The following AIF1L variants were observed in gnomAD, a reference collection of about 807,000 sequenced individuals.
AIF1L encodes allograft inflammatory factor 1-like.
A neutral mutation model predicts 20.7 loss-of-function variants in AIF1L; 12 were observed. The observed-to-expected ratio is 0.58, with a 90% confidence interval of 0.37 to 0.94. AIF1L has a LOEUF of 0.94. AIF1L is among the 40% of genes least tolerant of loss of function. AIF1L has a pLI of 0.01. For synonymous variants in AIF1L, 76 were observed against 65.1 expected, an observed-to-expected ratio of 1.17 and a Z score of -0.81; for missense variants, 173 against 185.3, an observed-to-expected ratio of 0.93 and a Z score of 0.39.
chr9:131,113,940 A>G (rs1830950008), intron 3 of AIF1L: 1 of 155,444 alleles, frequency 6.4e-6, no homozygotes, highest in African/African-American at 2.4e-5. Context: ...TGAACATACC[A>G]AGCCCACTGC....
intron 3 of AIF1L, among the ~76,000 whole-genome samples, chr9:131,112,636 T>C (rs1830918156): frequency 6.6e-6 from 1 of 152,096 alleles, no homozygotes; most frequent in Admixed American, 6.6e-5. Context: ...TGGGGACACA[T>C]AGCTCGCCTA....
chr9:131,119,238 C>T (rs565858927), intron 5 of AIF1L, among the ~76,000 whole-genome samples: 3 of 152,364 alleles, frequency 2.0e-5, no homozygotes, highest in East Asian at 1.9e-4. Flanking sequence ...CCCTGGCTCA[C>T]GCCTTTAATC....
intron 2 of AIF1L, among the ~76,000 whole-genome samples, chr9:131,103,978 G>T (rs116393831): frequency 1.0e-3 from 158 of 152,310 alleles, no homozygotes; most frequent in African/African-American, 3.7e-3. Context: ...CAAGCTGAAC[G>T]CTGTGAGGAG....
At chr9:131,105,329 C>T (rs1830722944) in intron 2 of AIF1L, among the ~76,000 whole-genome samples, 1 of 152,216 alleles carries the variant, frequency 6.6e-6, no homozygotes, top group Non-Finnish European at 1.5e-5. Flanking sequence ...GCCTCTCCCA[C>T]CCTGGTCACT....
In AIF1L at chr9:131,117,901, G is replaced by A. The variant is rs1354863030; in HGVS notation, c.348G>A (p.Arg116=). Residue 116 remains arginine (R), a synonymous_variant, in exon 5 of 6, where the codon CGG becomes CGA. Transcript: ENST00000247291. ...RDFVNMMLGK[R]SAVLKLVMMF... is the part of the protein sequence containing the mutation. ...TTGTGAACATGATGCTGGGGAAACG[G>A]TCGGCTGTCCTCAAGTTGTGAGTAC... is the stretch of plus-strand genomic sequence containing the variant. 1.2e-6 allele frequency: 2 copies of A among 1,611,748 alleles called. No individual in the cohort carries two copies. The highest frequency in any genetic ancestry group is 3.4e-5 in the Admixed American group (2 of 59,674).
chr9:131,117,590 C>A (rs527974222), intron 4 of AIF1L, among the ~76,000 whole-genome samples, 166 bp from the exon 5 acceptor site: 2 of 152,324 alleles, frequency 1.3e-5, no homozygotes, highest in East Asian at 3.9e-4. Flanking sequence ...CTAGCCTATA[C>A]GGCCTCCAAA....
chr9:131,100,133 C>G (rs768539763), intron 2 of AIF1L, among the ~76,000 whole-genome samples: 2 of 152,092 alleles, frequency 1.3e-5, no homozygotes, highest in African/African-American at 2.4e-5. Flanking sequence ...GCCTCTACCT[C>G]CCCAGCTCAA....
At chr9:131,114,499 C>T (rs1391927194) in intron 3 of AIF1L, 78 bp from the exon 4 acceptor site, 1 of 1,531,964 alleles carries the variant, frequency 6.5e-7, no homozygotes, top group Non-Finnish European at 9.0e-7. Flanking sequence ...CGGTCATTTG[C>T]CCACAAGGGA....
At chr9:131,113,065 G>C (rs1215607876) in intron 3 of AIF1L, among the ~76,000 whole-genome samples, 1 of 152,096 alleles carries the variant, frequency 6.6e-6, no homozygotes, top group Non-Finnish European at 1.5e-5. Flanking sequence ...GTTCTCGCTC[G>C]GGGGGCGGTG....
In AIF1L at chr9:131,120,229, A is replaced by G; in HGVS notation, c.366-6A>G. ...TCTTTTTTTCTTTTCTCCATCTCCA[A>G]ACCAGAGTCATGATGTTTGAAGGAA... On this transcript the variant is annotated splice_polypyrimidine_tract_variant and splice_region_variant and intron_variant, in intron 5 of 5. Transcript: ENST00000247291. 1 of 1,612,090 alleles carries G rather than the reference A, an allele frequency of 6.2e-7. No homozygotes were observed. Among genetic ancestry groups the G allele is most frequent in the Non-Finnish European group, 8.5e-7 (1 of 1,179,408 alleles).
intron 2 of AIF1L, among the ~76,000 whole-genome samples, chr9:131,105,812 T>A (rs974388409): frequency 4.9e-5 from 7 of 144,222 alleles, no homozygotes; most frequent in African/African-American, 1.8e-4. Flanking sequence ...ATTCAATGGA[T>A]GTTTTGTTGT....
At position 131,123,059 on chromosome 9, in the gene AIF1L, G is replaced by A. The variant is rs536544947; in HGVS notation, c.*2737G>A. On this transcript the variant is annotated 3_prime_UTR_variant, in exon 6 of 6. Coordinates refer to ENST00000247291, the MANE Select transcript of AIF1L (RefSeq NM_031426.4). ...AGGGTTTGTCGGGCAAATTCAGGTG[G>A]ATGAAGTATGTGTGTGCGTGTGCAT... The A allele has an allele frequency of 5.9e-5, 9 of 152,580 alleles. No homozygotes were observed. The East Asian group carries it at 1.7e-3, about 29-fold the overall frequency. 9.5% of individuals were successfully genotyped at this position (152,580 alleles called of 1,614,324 possible).
intron 2 of AIF1L, among the ~76,000 whole-genome samples, chr9:131,105,163 A>G (rs1160598967): frequency 6.6e-6 from 1 of 152,136 alleles, no homozygotes; most frequent in Non-Finnish European, 1.5e-5. Context: ...CCAAGAATCC[A>G]AAGCTCAGAG....
At position 131,096,861 on chromosome 9, in the gene AIF1L, C is replaced by T. The variant is rs774289256; in HGVS notation, c.91C>T (p.Arg31Trp). ...RQERRLAEINREFLCDQKYSD... is the reference protein window; with the variant it reads ...RQERRLAEINWEFLCDQKYSD... ...GGAGAGGAGGCTGGCCGAGATCAAC[C>T]GGGTAAGCCCCGCGCCCAGGGCAGC... The change falls in exon 2 of 6, where the codon CGG (arginine) becomes TGG (tryptophan). Residue 31 changes from arginine to tryptophan, a missense_variant and splice_region_variant. By Grantham distance (101) the Arg-to-Trp change is moderately radical. Coordinates refer to ENST00000247291, the MANE Select transcript of AIF1L (RefSeq NM_031426.4). The T allele has an allele frequency of 9.1e-6, 14 of 1,534,676 alleles. No individual in the cohort carries two copies. Among genetic ancestry groups the T allele is most frequent in the Middle Eastern group, 3.5e-4 (2 of 5,766 alleles).
rs1051984345 is a variant in AIF1L at position 131,120,492 on chromosome 9, T to C, written c.*170T>C. Reference sequence around the variant, plus strand: ...CACAAATTATCTGCCTTAAAGGGGCTCTGGGTCGGGGAATCCTGAGCCTTG... The same window carrying C: ...CACAAATTATCTGCCTTAAAGGGGCCCTGGGTCGGGGAATCCTGAGCCTTG... On this transcript the variant is annotated 3_prime_UTR_variant, in exon 6 of 6. Coordinates refer to ENST00000247291, the MANE Select transcript of AIF1L (RefSeq NM_031426.4). 1 of 580,520 alleles carries C rather than the reference T, an allele frequency of 1.7e-6. No homozygotes were observed. The highest frequency in any genetic ancestry group is 3.2e-5 in the East Asian group (1 of 31,044). 36.0% of individuals were successfully genotyped at this position (580,520 alleles called of 1,614,324 possible).
chr9:131,115,334 C>T (rs1830984244), intron 4 of AIF1L, among the ~76,000 whole-genome samples: 1 of 150,706 alleles, frequency 6.6e-6, no homozygotes, highest in Admixed American at 6.7e-5. Context: ...CCTGTAATCC[C>T]AGCTACTCGG....
At chr9:131,105,740 C>T (rs1031594404) in intron 2 of AIF1L, among the ~76,000 whole-genome samples, 2 of 152,114 alleles carry the variant, frequency 1.3e-5, no homozygotes, top group Non-Finnish European at 2.9e-5. Flanking sequence ...TGCAAAGCTG[C>T]CTGATCGTTG....
rs1242160812 is a variant in AIF1L at position 131,120,842 on chromosome 9, G to T, written c.*520G>T. The stretch of plus-strand genomic sequence containing the variant: ...CCAGGACACAGCCACTCGGGGCCCC[G>T]CTGCCCCAGCTGATCCCCACTCATT... On this transcript the variant is annotated 3_prime_UTR_variant, in exon 6 of 6. Coordinates refer to ENST00000247291, the MANE Select transcript of AIF1L (RefSeq NM_031426.4). The T allele has an allele frequency of 6.9e-6, 3 of 435,848 alleles. No individual in the cohort carries two copies. The highest frequency in any genetic ancestry group is 3.6e-5 in the East Asian group (1 of 28,138). The allele number at this position is 435,848 out of a possible 1,614,324, so 27.0% of individuals were successfully genotyped here.
intron 2 of AIF1L, chr9:131,106,298 A>G (rs1830746392): frequency 7.2e-7 from 1 of 1,380,948 alleles, no homozygotes; most frequent in East Asian, 2.5e-5. Flanking sequence ...CAACTCCTCC[A>G]CTCATCCTGC....
Sources: allele counts gnomAD v4.1 joint callset (sites outside exome capture counted in the v4.1 genomes callset), GRCh38; gene constraint gnomAD v4.1.1; transcripts MANE v1.5; gene names NCBI Gene and HGNC (gene_info 2026-07-23, HGNC 2026-07-21).